Variants in PDE4D observed in about 807,000 individuals in gnomAD.
PDE4D encodes 3',5'-cyclic-AMP phosphodiesterase 4D.
PDE4D carries 24 observed loss-of-function variants against 87.4 expected under a neutral mutation model. The ratio of observed to expected loss-of-function variants is 0.27; its 90% CI spans 0.20 to 0.39. The LOEUF is 0.39. Among genes scored for constraint, PDE4D ranks in the 10% least tolerant of loss-of-function variants. The pLI is 1.00. For synonymous variants in PDE4D, 384 were observed against 383.2 expected, an observed-to-expected ratio of 1.00 and a Z score of -0.02; for missense variants, 714 against 1,041.0, an observed-to-expected ratio of 0.69 and a Z score of 4.32.
At chr5:59,355,421 T>A (rs1217527638) in intron 1 of PDE4D, among the ~76,000 whole-genome samples, 1 of 152,132 alleles carries the variant, frequency 6.6e-6, no homozygotes, top group South Asian at 2.1e-4. Flanking sequence ...GATCTAGTGA[T>A]GAAGAGAGCC....
intron 1 of PDE4D, among the ~76,000 whole-genome samples, chr5:60,259,328 T>C (rs2149700086): frequency 6.6e-6 from 1 of 152,222 alleles, no homozygotes; most frequent in East Asian, 1.9e-4. Context: ...AGGTGAACGA[T>C]GAAGAAAATG....
intron 6 of PDE4D, among the ~76,000 whole-genome samples, chr5:59,017,063 C>T (rs1039853396): frequency 6.6e-6 from 1 of 152,108 alleles, no homozygotes; most frequent in African/African-American, 2.4e-5. Flanking sequence ...AGATTTGGGG[C>T]ACAGCACTCT....
intron 1 of PDE4D, among the ~76,000 whole-genome samples, chr5:60,265,011 G>A (rs140047047): frequency 6.6e-6 from 1 of 152,304 alleles, no homozygotes; most frequent in East Asian, 1.9e-4. Flanking sequence ...TATTACACGA[G>A]AGAGGGCAAG....
chr5:59,144,324 C>T (rs1185106140), intron 5 of PDE4D, among the ~76,000 whole-genome samples: 1 of 152,078 alleles, frequency 6.6e-6, no homozygotes, highest in African/African-American at 2.4e-5. Context: ...AAAATCAATC[C>T]TTGCACTGAT....
Position 59,466,505 on chromosome 5 carries a change from G to A in PDE4D, c.456-250537C>T, listed in dbSNP as rs1363455030. On this transcript the variant is annotated intron_variant, in intron 1 of 14. Transcript: ENST00000340635. ...CTTTCGCCAGAATGCTCCTGCTGAC[G>A]AGAATGCTGTTGGGCCTCCCAGAAA... is the stretch of plus-strand genomic sequence containing the variant. Among the ~76,000 whole-genome samples, 4 of 152,138 alleles carry A rather than the reference G, an allele frequency of 2.6e-5. No individual in the cohort carries two copies. The East Asian group carries it at 7.7e-4, about 29-fold the overall frequency.
chr5:59,119,797 A>T (rs1461998844), intron 5 of PDE4D, among the ~76,000 whole-genome samples: 1 of 152,200 alleles, frequency 6.6e-6, no homozygotes, highest in African/African-American at 2.4e-5. Flanking sequence ...AGAAATGGAT[A>T]TGAAGTGCTA....
At chr5:59,649,536 G>T (rs1561401962) in intron 1 of PDE4D, among the ~76,000 whole-genome samples, 1 of 152,052 alleles carries the variant, frequency 6.6e-6, no homozygotes, top group Non-Finnish European at 1.5e-5. Flanking sequence ...AAGCTAGACG[G>T]ATTACCTTGG....
chr5:60,377,396 A>G (rs1284766375), intron 1 of PDE4D, among the ~76,000 whole-genome samples: 3 of 152,228 alleles, frequency 2.0e-5, no homozygotes, highest in Admixed American at 6.5e-5. Flanking sequence ...CATAAATCAG[A>G]TCAAGGGATT....
At chr5:59,283,169 A>G (rs1158332596) in intron 1 of PDE4D, among the ~76,000 whole-genome samples, 2 of 152,222 alleles carry the variant, frequency 1.3e-5, no homozygotes, top group East Asian at 1.9e-4. Flanking sequence ...GTAAGGAATC[A>G]ATAAATAATA....
chr5:59,019,200 G>A (rs1206712265), intron 6 of PDE4D, among the ~76,000 whole-genome samples: 4 of 151,880 alleles, frequency 2.6e-5, no homozygotes, highest in Non-Finnish European at 4.4e-5. Context: ...ACCCTTCTCT[G>A]TGCAATCTTT....
chr5:60,125,260 C>G (rs1460887558), intron 2 of PDE4D, among the ~76,000 whole-genome samples: 3 of 152,160 alleles, frequency 2.0e-5, no homozygotes, highest in African/African-American at 7.2e-5. Flanking sequence ...TCTATTTGCA[C>G]AGTTTCTCAG....
chr5:60,122,405 A>G (rs529414258), intron 2 of PDE4D, among the ~76,000 whole-genome samples: 1 of 152,170 alleles, frequency 6.6e-6, no homozygotes, highest in African/African-American at 2.4e-5. Flanking sequence ...AGGCATTTCC[A>G]TACATCTTCT....
intron 1 of PDE4D, among the ~76,000 whole-genome samples, chr5:60,265,453 AC>A (rs1750096011): frequency 6.6e-6 from 1 of 152,100 alleles, no homozygotes; most frequent in South Asian, 2.1e-4. Context: ...TGGCTAGGAG[AC>A]CTCACCCACA....
At chr5:60,436,523 T>G (rs917934171) in intron 1 of PDE4D, among the ~76,000 whole-genome samples, 2 of 152,124 alleles carry the variant, frequency 1.3e-5, no homozygotes, top group African/African-American at 4.8e-5. Flanking sequence ...CAACTCATGA[T>G]GTGTTCCAAG....
At chr5:59,507,157 C>T (rs575995286) in intron 1 of PDE4D, among the ~76,000 whole-genome samples, 1 of 152,136 alleles carries the variant, frequency 6.6e-6, no homozygotes, top group African/African-American at 2.4e-5. Flanking sequence ...AATGGCAAAA[C>T]CCCATCTCTA....
At chr5:59,454,403 A>G (rs1799604112) in intron 1 of PDE4D, among the ~76,000 whole-genome samples, 1 of 152,142 alleles carries the variant, frequency 6.6e-6, no homozygotes, top group Non-Finnish European at 1.5e-5. Context: ...TGGTTTTAAA[A>G]ACAGAAGTTT....
intron 2 of PDE4D, among the ~76,000 whole-genome samples, chr5:60,081,879 A>C (rs1773999531): frequency 6.6e-6 from 1 of 152,188 alleles, no homozygotes; most frequent in Admixed American, 6.5e-5. Flanking sequence ...GTGACTAACA[A>C]AAGTCTTCTC....
At chr5:59,534,883 A>G (rs1048934613) in intron 1 of PDE4D, among the ~76,000 whole-genome samples, 1 of 152,204 alleles carries the variant, frequency 6.6e-6, no homozygotes, top group South Asian at 2.1e-4. Flanking sequence ...GATGGAGGCC[A>G]GAATGTGAGA....
chr5:59,744,450 C>T (rs878928694), intron 1 of PDE4D, among the ~76,000 whole-genome samples: 1 of 152,112 alleles, frequency 6.6e-6, no homozygotes, highest in Admixed American at 6.6e-5. Flanking sequence ...TCACAGTAAT[C>T]CAATGACTAT....
Sources: allele counts gnomAD v4.1 joint callset (sites outside exome capture counted in the v4.1 genomes callset), GRCh38; gene constraint gnomAD v4.1.1; transcripts MANE v1.5; gene names NCBI Gene and HGNC (gene_info 2026-07-23, HGNC 2026-07-21).